Variants in NLRP1 observed in about 807,000 individuals in gnomAD.
NLRP1 encodes the protein NLR family pyrin domain containing 1.
Under a neutral mutation model 136.7 loss-of-function variants are expected in NLRP1, and 94 were observed. The ratio of observed to expected loss-of-function variants is 0.69; its 90% CI spans 0.58 to 0.82. NLRP1 has a LOEUF of 0.82. Among genes scored for constraint, NLRP1 ranks in the 40% least tolerant of loss-of-function variants. NLRP1 has a pLI of 0.00. For synonymous variants in NLRP1, 690 were observed against 725.1 expected (o/e 0.95, Z 0.78); for missense variants, 1,575 against 1,802.7 (o/e 0.87, Z 2.29).
chr17:5,534,059 T>A, intron 8 of NLRP1, 71 bp from the exon 9 acceptor site: 1 of 1,092,840 alleles, frequency 9.2e-7, no homozygotes, highest in African/African-American at 1.5e-5. Flanking sequence ...ACATTCCCAC[T>A]AAAAATTCAA....
chr17:5,576,261 G>C (rs1416694797), intron 3 of NLRP1, among the ~76,000 whole-genome samples: 1 of 152,124 alleles, frequency 6.6e-6, no homozygotes, highest in Non-Finnish European at 1.5e-5. Context: ...CAGAAGGCAA[G>C]AAATAACTAA....
intron 3 of NLRP1, among the ~76,000 whole-genome samples, chr17:5,573,613 C>T (rs9908489): frequency 0.34 from 52,272 of 152,082 alleles, 10,661 homozygotes; most frequent in Non-Finnish European, 0.45. Context: ...CTCTCTGAGA[C>T]GAAGCTTCCA....
chr17:5,516,220 G>A (rs1204474718), intron 15 of NLRP1, among the ~76,000 whole-genome samples: 1 of 152,142 alleles, frequency 6.6e-6, no homozygotes, highest in African/African-American at 2.4e-5. Context: ...GGTACCAGGA[G>A]CACCGGGTCC....
intron 4 of NLRP1, among the ~76,000 whole-genome samples, chr17:5,554,581 C>T (rs1452984327): frequency 3.9e-5 from 6 of 152,192 alleles, no homozygotes; most frequent in Admixed American, 3.9e-4. Flanking sequence ...CTATCCCTCA[C>T]TCCGTCTCCT....
At chr17:5,560,071 T>C (rs776797602) in intron 3 of NLRP1, 28 bp from the exon 4 acceptor site, 5 of 1,520,344 alleles carry the variant, frequency 3.3e-6, no homozygotes, top group East Asian at 2.3e-5. Flanking sequence ...AGAAGGAACA[T>C]AAAGGTAGAG....
At chr17:5,557,164 C>T (rs1337983805) in intron 4 of NLRP1, among the ~76,000 whole-genome samples, 1 of 151,034 alleles carries the variant, frequency 6.6e-6, no homozygotes, top group East Asian at 2.0e-4. Flanking sequence ...CCACCATGCC[C>T]AGATAATTTT....
At chr17:5,520,678 C>T (rs577287691) in intron 14 of NLRP1, among the ~76,000 whole-genome samples, 30 of 152,336 alleles carry the variant, frequency 2.0e-4, no homozygotes, top group Admixed American at 5.9e-4. Context: ...CATCATCCTT[C>T]ACATCCTGCA....
chr17:5,545,465 GAC>G (rs577109194), intron 5 of NLRP1, among the ~76,000 whole-genome samples: 3 of 125,424 alleles, frequency 2.4e-5, no homozygotes, highest in Non-Finnish European at 5.1e-5. Context: ...CACACATACA[GAC>G]ACACACACAG....
intron 3 of NLRP1, among the ~76,000 whole-genome samples, chr17:5,560,909 G>A (rs1442038386): frequency 1.3e-5 from 2 of 152,230 alleles, no homozygotes; most frequent in African/African-American, 4.8e-5. Context: ...AGAAGCTGAG[G>A]TTATATACAC....
At chr17:5,534,683 G>T (rs547925551) in intron 8 of NLRP1, among the ~76,000 whole-genome samples, 1 of 152,092 alleles carries the variant, frequency 6.6e-6, no homozygotes, top group African/African-American at 2.4e-5. Context: ...TCCCTCTGCC[G>T]CCCATTTTCT....
At position 5,559,816 on chromosome 17, in the gene NLRP1, G is replaced by A; in HGVS notation, c.880C>T (p.Pro294Ser). The change falls in exon 4 of 17, where the codon CCC becomes TCC. Residue 294 changes from proline (P) to serine (S), a missense_variant. By Grantham distance (74) the Pro-to-Ser change is moderately conservative. Transcript: ENST00000572272. ...TCAGGCCAGCTTCTCTTGACCAGGGGATCTTGGCTTCTGGGGTGAGGTCTT... is the reference window on the plus strand; with the variant it reads ...TCAGGCCAGCTTCTCTTGACCAGGGAATCTTGGCTTCTGGGGTGAGGTCTT... ...LQRPHPRSQD[P>S]LVKRSWPDYV... 2 of 1,614,248 alleles carry A rather than the reference G, an allele frequency of 1.2e-6. No homozygotes were observed. Among genetic ancestry groups the A allele is most frequent in the Non-Finnish European group, 1.7e-6 (2 of 1,180,046 alleles).
intron 4 of NLRP1, among the ~76,000 whole-genome samples, chr17:5,555,351 GT>G (rs954624981): frequency 3.8e-4 from 58 of 151,822 alleles, no homozygotes; most frequent in Admixed American, 9.2e-4. Context: ...GAACTTTCTT[GT>G]TTTTTTTATA....
chr17:5,537,497 G>A lies in NLRP1; in HGVS notation c.2871-557C>T, dbSNP rs1193541616. Among the ~76,000 whole-genome samples the A allele has an allele frequency of 6.6e-6, 1 of 152,174 alleles. No individual in the cohort carries two copies. The highest frequency in any genetic ancestry group is 2.4e-5 in the African/African-American group (1 of 41,442). ...CCAGGCCTTGTGGTCTGGGGTTTCTGCCAGATGTGAGATGCTGATTGTCTT... is the reference window on the plus strand; with the variant it reads ...CCAGGCCTTGTGGTCTGGGGTTTCTACCAGATGTGAGATGCTGATTGTCTT... On this transcript the variant is annotated intron_variant, in intron 7 of 16. Transcript: ENST00000572272. The surrounding 1 kb of genome is among the most constrained non-coding windows in gnomAD (Gnocchi z 4.5).
chr17:5,524,106 T>C (rs1909239917), intron 12 of NLRP1, among the ~76,000 whole-genome samples: 1 of 151,986 alleles, frequency 6.6e-6, no homozygotes. Context: ...AGAGATGGGG[T>C]TTCACCATGT....
chr17:5,547,948 A>T (rs982693935), intron 5 of NLRP1, among the ~76,000 whole-genome samples: 9 of 152,162 alleles, frequency 5.9e-5, no homozygotes, highest in African/African-American at 2.2e-4. Context: ...GTTAGATTCC[A>T]TGATCCTTCA....
intron 15 of NLRP1, chr17:5,505,337 G>A (rs1419268572): frequency 6.6e-6 from 1 of 152,358 alleles, no homozygotes; most frequent in Non-Finnish European, 1.5e-5. Context: ...TCCCCTGCTG[G>A]GGTTAGGGGT....
rs1272719133 is a variant in NLRP1, at chr17:5,533,908, C to A, written c.3041G>T (p.Arg1014Ile). The change falls in exon 9 of 17, where the codon AGA (arginine) becomes ATA (isoleucine). Residue 1014 changes from arginine (R) to isoleucine (I), a missense_variant. By Grantham distance (97) the Arg-to-Ile change is moderately conservative (BLOSUM62 -3). Coordinates refer to ENST00000572272, the MANE Select transcript of NLRP1 (RefSeq NM_033004.4). ...CCCCTTCAAACTACCTGATCCGAGT[C>A]TCTGCCGCTTGAGTGAGGATGTGCT... ...SNSTSSLKRQRLGSERAASHV... is the reference protein window; with the variant it reads ...SNSTSSLKRQILGSERAASHV... 1.1e-5 allele frequency: 17 copies of A among 1,610,662 alleles called. No homozygotes were observed. The highest frequency in any genetic ancestry group is 1.3e-5 in the African/African-American group (1 of 74,874).
chr17:5,527,218 G>GCA (rs1909667391), intron 12 of NLRP1, among the ~76,000 whole-genome samples: 3 of 152,210 alleles, frequency 2.0e-5, no homozygotes, highest in South Asian at 4.2e-4. Flanking sequence ...GGCCACACAT[G>GCA]TAAAATATAC....
chr17:5,574,499 T>A (rs1904799977), intron 3 of NLRP1, among the ~76,000 whole-genome samples: 1 of 151,902 alleles, frequency 6.6e-6, no homozygotes, highest in African/African-American at 2.4e-5. Flanking sequence ...CCAAGACACA[T>A]AATTGTCAGA....
Sources: allele counts gnomAD v4.1 joint callset (sites outside exome capture counted in the v4.1 genomes callset), GRCh38; gene constraint gnomAD v4.1.1; non-coding constraint Gnocchi (gnomAD v3.1); transcripts MANE v1.5; gene names NCBI Gene and HGNC (gene_info 2026-07-23, HGNC 2026-07-21).